The following DPYD variants were observed in gnomAD, a reference collection of about 807,000 sequenced individuals.
DPYD encodes the protein dihydropyrimidine dehydrogenase [NADP(+)].
In DPYD, 109 loss-of-function variants were observed where a neutral mutation model predicts 116.2. The ratio of observed to expected loss-of-function variants is 0.94; its 90% CI spans 0.80 to 1.10. The LOEUF (loss-of-function observed/expected upper bound fraction) is 1.10. Among genes scored for constraint, DPYD ranks in the 50% least tolerant of loss-of-function variants. DPYD has a pLI of 0.00. For synonymous variants in DPYD, 440 were observed against 432.0 expected (o/e 1.02, Z -0.23); for missense variants, 1,302 against 1,254.5 (o/e 1.04, Z -0.57).
At chr1:97,677,822 G>C (rs191392492) in intron 8 of DPYD, among the ~76,000 whole-genome samples, 53 of 152,224 alleles carry the variant, frequency 3.5e-4, no homozygotes, top group African/African-American at 9.6e-4. Flanking sequence ...GATAAGAAAA[G>C]TTTAGTAGAC....
chr1:97,411,059 T>C (rs1432275512), intron 14 of DPYD, among the ~76,000 whole-genome samples: 1 of 152,162 alleles, frequency 6.6e-6, no homozygotes, highest in Non-Finnish European at 1.5e-5. Flanking sequence ...AGGAATCATG[T>C]TCTTTACCTG....
At chr1:97,546,083 T>G in intron 12 of DPYD, 1 of 1,410,678 alleles carries the variant, frequency 7.1e-7, no homozygotes, top group African/African-American at 1.4e-5. Context: ...GATCCTTAGT[T>G]ACAGTGCTGG....
At chr1:97,877,580 TA>T (rs1157030934) in intron 2 of DPYD, among the ~76,000 whole-genome samples, 1 of 152,054 alleles carries the variant, frequency 6.6e-6, no homozygotes, top group Non-Finnish European at 1.5e-5. Flanking sequence ...AATCTGTTTT[TA>T]TTTTTTTATT....
chr1:97,660,448 C>T (rs1659182996), intron 8 of DPYD, among the ~76,000 whole-genome samples: 1 of 152,076 alleles, frequency 6.6e-6, no homozygotes, highest in African/African-American at 2.4e-5. Flanking sequence ...TTATTCTTTG[C>T]TTCCTTCCAC....
chr1:97,647,435 A>G (rs1402795968), intron 8 of DPYD, among the ~76,000 whole-genome samples: 1 of 152,038 alleles, frequency 6.6e-6, no homozygotes, highest in Non-Finnish European at 1.5e-5. Flanking sequence ...AAACAATAAT[A>G]AGAACAATAA....
At chr1:97,430,599 A>AG (rs952300683) in intron 14 of DPYD, among the ~76,000 whole-genome samples, 4 of 151,128 alleles carry the variant, frequency 2.6e-5, no homozygotes, top group Admixed American at 2.6e-4. Flanking sequence ...GGGAAAAAAA[A>AG]AAATGTCCTC....
At chr1:97,751,429 C>CGG in intron 3 of DPYD, among the ~76,000 whole-genome samples, 1 of 53,070 alleles carries the variant, frequency 1.9e-5, no homozygotes. Flanking sequence ...TATATGTATA[C>CGG]GTGTGTGTGT....
intron 16 of DPYD, among the ~76,000 whole-genome samples, chr1:97,339,189 A>G (rs1419766828): frequency 1.3e-5 from 2 of 152,152 alleles, no homozygotes; most frequent in African/African-American, 4.8e-5. Flanking sequence ...TCTAGGTGAC[A>G]TAACATGCAA....
At chr1:97,767,314 T>C (rs918550168) in intron 3 of DPYD, among the ~76,000 whole-genome samples, 6 of 152,162 alleles carry the variant, frequency 3.9e-5, no homozygotes, top group African/African-American at 1.4e-4. Flanking sequence ...AGTCCATTTT[T>C]TTACCCTTCC....
At chr1:97,700,111 C>T (rs192055416) in intron 5 of DPYD, 119 of 399,508 alleles carry the variant, frequency 3.0e-4, no homozygotes, top group African/African-American at 2.3e-3. Flanking sequence ...CTTGGAAGGG[C>T]TAACATCTCA....
chr1:97,589,753 T>C (rs925731879), intron 10 of DPYD, among the ~76,000 whole-genome samples: 3 of 152,316 alleles, frequency 2.0e-5, no homozygotes, highest in Non-Finnish European at 2.9e-5. Context: ...CATGTTGACA[T>C]GCCTAATGGT....
intron 18 of DPYD, among the ~76,000 whole-genome samples, chr1:97,283,602 TTATAACTCAATTTAA>T (rs1194151779): frequency 3.3e-5 from 5 of 152,142 alleles, no homozygotes; most frequent in African/African-American, 1.2e-4. Context: ...GAGTCTTTTA[TTATAACTCAATTTAA>T]TATAACTCAA....
At chr1:97,815,057 G>GAGAA (rs1388918913) in intron 3 of DPYD, among the ~76,000 whole-genome samples, 2 of 148,756 alleles carry the variant, frequency 1.3e-5, no homozygotes, top group African/African-American at 4.9e-5. Context: ...GAGAAAGAGG[G>GAGAA]AGAAAGAAAG....
intron 20 of DPYD, among the ~76,000 whole-genome samples, chr1:97,175,937 G>T (rs965639623): frequency 6.6e-6 from 1 of 152,112 alleles, no homozygotes; most frequent in Non-Finnish European, 1.5e-5. Flanking sequence ...AATAAGATTT[G>T]ATTTGAGAAC....
At chr1:97,757,067 T>G (rs1665290567) in intron 3 of DPYD, among the ~76,000 whole-genome samples, 1 of 152,160 alleles carries the variant, frequency 6.6e-6, no homozygotes, top group Non-Finnish European at 1.5e-5. Context: ...GCTAACTGTA[T>G]CCCCAAATAT....
intron 2 of DPYD, among the ~76,000 whole-genome samples, chr1:97,878,020 T>C (rs1672010905): frequency 6.6e-6 from 1 of 151,948 alleles, no homozygotes; most frequent in African/African-American, 2.4e-5. Context: ...ATAAGAAATA[T>C]TATTAGAAAA....
intron 12 of DPYD, among the ~76,000 whole-genome samples, chr1:97,535,128 C>G (rs1329176814): frequency 6.6e-6 from 1 of 152,016 alleles, no homozygotes; most frequent in Non-Finnish European, 1.5e-5. Context: ...ACAACTTGAA[C>G]CCAGACTGCT....
At chr1:97,182,195 C>A (rs1335118435) in intron 20 of DPYD, among the ~76,000 whole-genome samples, 2 of 152,076 alleles carry the variant, frequency 1.3e-5, no homozygotes, top group Admixed American at 1.3e-4. Context: ...TTTTATCCAA[C>A]ATTTTTTGCT....
At chr1:97,667,755 C>G (rs1269642516) in intron 8 of DPYD, among the ~76,000 whole-genome samples, 1 of 152,066 alleles carries the variant, frequency 6.6e-6, no homozygotes, top group Non-Finnish European at 1.5e-5. Flanking sequence ...AAAGAAATAT[C>G]TGTATAACCT....
Sources: gnomAD v4.1 joint callset for allele counts (sites outside exome capture counted in the v4.1 genomes callset) on GRCh38, gnomAD v4.1.1 for gene constraint, MANE v1.5 for transcripts, NCBI Gene and HGNC (gene_info 2026-07-23, HGNC 2026-07-21) for gene names.